VSNL1: variants seen among roughly 807,000 people sequenced by gnomAD.
VSNL1 encodes the protein visinin-like protein 1.
VSNL1 carries 6 observed loss-of-function variants against 20.4 expected under a neutral mutation model. The observed-to-expected ratio is 0.29, with a 90% CI of 0.16 to 0.58. The LOEUF (loss-of-function observed/expected upper bound fraction) is 0.58. VSNL1 is among the 20% of genes least tolerant of loss of function. The pLI is 0.90. For missense variants in VSNL1, 100 were observed against 234.5 expected, an observed-to-expected ratio of 0.43 and a Z score of 3.75; for synonymous variants, 93 against 86.4, an observed-to-expected ratio of 1.08 and a Z score of -0.42.
intron 1 of VSNL1, among the ~76,000 whole-genome samples, chr2:17,557,487 A>G (rs35757949): frequency 0.28 from 42,506 of 152,072 alleles, 6,652 homozygotes; most frequent in Middle Eastern, 0.36. Flanking sequence ...ATTAAGTGCT[A>G]TAGACGAAAA....
At chr2:17,547,722 T>C (rs1434100993) in intron 1 of VSNL1, among the ~76,000 whole-genome samples, 1 of 152,176 alleles carries the variant, frequency 6.6e-6, no homozygotes, top group Non-Finnish European at 1.5e-5. Context: ...CTTTCCATTA[T>C]GCCTTTACTT....
chr2:17,592,629 T>TCC, intron 2 of VSNL1, among the ~76,000 whole-genome samples: 1 of 103,458 alleles, frequency 9.7e-6, no homozygotes, highest in Admixed American at 1.1e-4. Flanking sequence ...GGGCTTTTTC[T>TCC]CTCTCTCTCT....
intron 2 of VSNL1, among the ~76,000 whole-genome samples, chr2:17,640,320 C>T (rs958368236): frequency 6.6e-6 from 1 of 151,962 alleles, no homozygotes; most frequent in Non-Finnish European, 1.5e-5. Context: ...AATCCTTTGC[C>T]CGAGACCAGG....
intron 2 of VSNL1, among the ~76,000 whole-genome samples, chr2:17,615,668 A>C (rs753999346): frequency 1.7e-4 from 26 of 152,208 alleles, no homozygotes; most frequent in Admixed American, 1.1e-3. Flanking sequence ...TTGGATCATG[A>C]CTTCTGAACA....
In VSNL1 at chr2:17,615,409, T is replaced by A. The variant is rs1007055095; in HGVS notation, c.162+23173T>A. ...TGATGTTTTGAGCTGTATATGCATA[T>A]GTTGTAGAGTGATCAAATCAGGGCA... On this transcript the variant is annotated intron_variant, in intron 2 of 3. Coordinates refer to ENST00000295156, the MANE Select transcript of VSNL1 (RefSeq NM_003385.5). Among the ~76,000 whole-genome samples the A allele has an allele frequency of 5.9e-5, 9 of 152,336 alleles. No individual in the cohort carries two copies. In the South Asian group the frequency reaches 1.9e-3, roughly 32 times the overall value.
chr2:17,592,636 CTCTCTTTTTTTTTTTTTT>C (rs1558292754), intron 2 of VSNL1, among the ~76,000 whole-genome samples: 26 of 83,002 alleles, frequency 3.1e-4, no homozygotes, highest in African/African-American at 1.4e-3. Flanking sequence ...TTCTCTCTCT[CTCTCTTTTTTTTTTTTTT>C]TTTTTTTTTT....
At chr2:17,608,828 T>C (rs1665013988) in intron 2 of VSNL1, among the ~76,000 whole-genome samples, 1 of 152,212 alleles carries the variant, frequency 6.6e-6, no homozygotes, top group African/African-American at 2.4e-5. Context: ...GTCCCATTAT[T>C]TTGTGTTAGG....
chr2:17,604,399 C>T (rs1664898547), intron 2 of VSNL1, among the ~76,000 whole-genome samples: 2 of 152,374 alleles, frequency 1.3e-5, no homozygotes, highest in African/African-American at 4.8e-5. Flanking sequence ...CCCAGCCCAC[C>T]AGCCTAGTCT....
intron 2 of VSNL1, among the ~76,000 whole-genome samples, chr2:17,605,837 C>T (rs887113895): frequency 2.0e-5 from 3 of 152,290 alleles, no homozygotes; most frequent in South Asian, 4.1e-4. Context: ...CATAAAACAC[C>T]ATAGAAAACC....
Position 17,649,478 on chromosome 2 carries a change from C to T in VSNL1, c.231C>T (p.Asp77=), listed in dbSNP as rs368083107. The T allele has an allele frequency of 7.1e-5, 114 of 1,614,074 alleles. No homozygotes were observed. Among genetic ancestry groups the T allele is most frequent in the Middle Eastern group, 1.6e-4 (1 of 6,084 alleles). ...HAFRTFDKNG[D]GTIDFREFIC... ...TCCGAACCTTCGACAAGAATGGGGA[C>T]GGCACCATTGACTTCCGAGAGTTCA... Residue 77 remains aspartate (D), a synonymous_variant, in exon 3 of 4, where the codon GAC becomes GAT. Coordinates refer to ENST00000295156, the MANE Select transcript of VSNL1 (RefSeq NM_003385.5). The surrounding 1 kb of genome is among the most constrained non-coding windows in gnomAD (Gnocchi z 6.4).
rs191441251 is a variant in VSNL1 at position 17,601,898 on chromosome 2, C to T, written c.162+9662C>T. Among the ~76,000 whole-genome samples, 190 of 151,112 alleles carry T rather than the reference C, an allele frequency of 1.3e-3. 1 individual carries two copies. Among genetic ancestry groups the T allele is most frequent in the African/African-American group, 3.9e-3 (162 of 41,126 alleles). On this transcript the variant is annotated intron_variant, in intron 2 of 3. Coordinates refer to ENST00000295156, the MANE Select transcript of VSNL1 (RefSeq NM_003385.5). ...TTGCAGTGAGCCGAGATTGTGCCAC[C>T]GCACTCCAGCCTGAATGACAGAGCG...
rs796906635 is a variant in VSNL1, at chr2:17,544,309, G to A, written c.-6+3391G>A. Among the ~76,000 whole-genome samples, 5 of 152,086 alleles carry A rather than the reference G, an allele frequency of 3.3e-5. No homozygotes were observed. In the South Asian group the frequency reaches 8.3e-4, roughly 25 times the overall value. ...GAGTCTGTTTCTAACAAATGCTCTCGGGTTAGTTAGATGTTACCTGATCTT... is the reference window on the plus strand; with the variant it reads ...GAGTCTGTTTCTAACAAATGCTCTCAGGTTAGTTAGATGTTACCTGATCTT... On this transcript the variant is annotated intron_variant, in intron 1 of 3. Transcript: ENST00000295156.
chr2:17,640,680 C>G (rs1467362651), intron 2 of VSNL1, among the ~76,000 whole-genome samples: 1 of 152,134 alleles, frequency 6.6e-6, no homozygotes, highest in African/African-American at 2.4e-5. Context: ...CAAATGTGTT[C>G]CACTTCTTTT....
At chr2:17,651,272 G>A (rs144619034) in intron 3 of VSNL1, among the ~76,000 whole-genome samples, 1 of 152,330 alleles carries the variant, frequency 6.6e-6, no homozygotes, top group Non-Finnish European at 1.5e-5. Flanking sequence ...CTTGCAGTGA[G>A]GGAATCTTGG....
chr2:17,592,660 T>C lies in VSNL1; in HGVS notation c.162+424T>C, dbSNP rs1277843342. On this transcript the variant is annotated intron_variant, in intron 2 of 3. Coordinates refer to ENST00000295156, the MANE Select transcript of VSNL1 (RefSeq NM_003385.5). ...TCTCTCTTTTTTTTTTTTTTTTTTT[T>C]TTTTTTTTTTTTTTTTTTTACCAGA... 4.3e-4 allele frequency among the ~76,000 whole-genome samples: 54 copies of C among 124,850 alleles called. 2 individuals are homozygous for C. The highest frequency in any genetic ancestry group is 1.4e-3 in the African/African-American group (50 of 35,564). The allele number at this position is 124,850 out of a possible 152,430, so 81.9% of individuals were successfully genotyped here. A position where few individuals can be genotyped will look rare whatever the true frequency, so the allele number is the denominator to read the frequency against.
At chr2:17,641,776 G>A (rs1441668775) in intron 2 of VSNL1, among the ~76,000 whole-genome samples, 2 of 152,150 alleles carry the variant, frequency 1.3e-5, no homozygotes, top group African/African-American at 4.8e-5. Flanking sequence ...TGATCTAGAT[G>A]TAGTTGTATA....
chr2:17,576,412 T>C (rs1664216326), intron 1 of VSNL1, among the ~76,000 whole-genome samples: 1 of 152,248 alleles, frequency 6.6e-6, no homozygotes, highest in African/African-American at 2.4e-5. Context: ...GGTTATTTCT[T>C]TAAGATACCT....
chr2:17,610,045 T>C (rs928909296), intron 2 of VSNL1, among the ~76,000 whole-genome samples: 1 of 152,182 alleles, frequency 6.6e-6, no homozygotes, highest in African/African-American at 2.4e-5. Context: ...TACTTGAATA[T>C]CACATAATGA....
At chr2:17,578,872 G>A (rs1442112262) in intron 1 of VSNL1, among the ~76,000 whole-genome samples, 1 of 152,254 alleles carries the variant, frequency 6.6e-6, no homozygotes, top group Non-Finnish European at 1.5e-5. Context: ...ACAGAAGAGG[G>A]TCAGCATTCC....
Sources: gnomAD v4.1 joint callset for allele counts (sites outside exome capture counted in the v4.1 genomes callset) on GRCh38, gnomAD v4.1.1 for gene constraint, Gnocchi (gnomAD v3.1) non-coding constraint, MANE v1.5 for transcripts, NCBI Gene and HGNC (gene_info 2026-07-23, HGNC 2026-07-21) for gene names.